Variants in P2RY6 observed in about 807,000 individuals in gnomAD.
The protein encoded by P2RY6 is pyrimidinergic receptor P2Y6.
In P2RY6, 19 loss-of-function variants were observed where a neutral mutation model predicts 16.3. The observed-to-expected ratio is 1.16, with a 90% confidence interval of 0.81 to 1.71. The LOEUF (loss-of-function observed/expected upper bound fraction) is 1.71, where lower values mean the gene tolerates loss of function less well. P2RY6 is among the 40% of genes most tolerant of loss of function. The pLI, the probability that P2RY6 is intolerant of heterozygous loss-of-function variation, is 0.00. For synonymous variants in P2RY6, 184 were observed against 201.5 expected, an observed-to-expected ratio of 0.91 and a Z score of 0.74; for missense variants, 389 against 455.5, an observed-to-expected ratio of 0.85 and a Z score of 1.33.
chr11:73,284,241 T>C (rs1491001539), intron 1 of P2RY6, among the ~76,000 whole-genome samples: 2 of 152,114 alleles, frequency 1.3e-5, no homozygotes, highest in African/African-American at 2.4e-5. Context: ...CCTCCAGCTC[T>C]ACTCAGCCCC....
intron 1 of P2RY6, among the ~76,000 whole-genome samples, chr11:73,283,169 G>C (rs1219113709): frequency 5.3e-5 from 8 of 152,132 alleles, no homozygotes; most frequent in Non-Finnish European, 7.3e-5. Flanking sequence ...TTTCTGGGGA[G>C]CTCTGAGGAG....
In P2RY6 at chr11:73,297,139, C is replaced by A; in HGVS notation, c.621C>A (p.Ala207=). Residue 207 remains alanine (A), a synonymous_variant, in exon 3 of 3, where the codon GCC becomes GCA. Coordinates refer to ENST00000540124, the MANE Select transcript of P2RY6 (RefSeq NM_001277204.2). ...TCGGCTTCCTGCTGCCCTTTGCTGC[C>A]CTGCTGGCCTGCTACTGTCTCCTGG... The part of the protein sequence containing the change: ...TVIGFLLPFA[A]LLACYCLLAC... The A allele has an allele frequency of 6.2e-7, 1 of 1,604,858 alleles. No individual in the cohort carries two copies. Among genetic ancestry groups the A allele is most frequent in the South Asian group, 1.1e-5 (1 of 91,082 alleles).
chr11:73,292,696 C>G (rs1192644157), intron 1 of P2RY6: 1 of 590,188 alleles, frequency 1.7e-6, no homozygotes, highest in Non-Finnish European at 2.1e-6. Flanking sequence ...AGCCCAGTTT[C>G]CGCCAGGCAC....
chr11:73,292,863 T>A (rs1864315812), intron 1 of P2RY6: 3 of 984,324 alleles, frequency 3.0e-6, no homozygotes, highest in Non-Finnish European at 3.6e-6. Context: ...AGGTCTGGCT[T>A]CCCTTTGCCC....
At chr11:73,274,568 GAAAAGA>G (rs778325270) in intron 1 of P2RY6, among the ~76,000 whole-genome samples, 26 of 151,174 alleles carry the variant, frequency 1.7e-4, no homozygotes, top group Admixed American at 6.6e-4. Context: ...AAGAAAGAAA[GAAAAGA>G]AAAAGAAAAA....
At chr11:73,287,757 G>T (rs1447081486) in intron 1 of P2RY6, among the ~76,000 whole-genome samples, 1 of 152,256 alleles carries the variant, frequency 6.6e-6, no homozygotes, top group Non-Finnish European at 1.5e-5. Context: ...GGACAGCCTG[G>T]TTGTCCAGGC....
Position 73,296,518 on chromosome 11 carries a change from C to T in P2RY6, c.-1C>T. The T allele has an allele frequency of 1.2e-6, 2 of 1,611,530 alleles. No individual in the cohort carries two copies. The highest frequency in any genetic ancestry group is 2.7e-5 in the African/African-American group (2 of 75,012). Reference sequence around the variant, plus strand: ...AACATAGGAAACCCACCTGGGCAGCCATGGAATGGGACAATGGCACAGGCC... The same window carrying T: ...AACATAGGAAACCCACCTGGGCAGCTATGGAATGGGACAATGGCACAGGCC... On this transcript the variant is annotated 5_prime_UTR_variant, in exon 3 of 3. Transcript: ENST00000540124.
chr11:73,292,328 G>A (rs374853968), intron 1 of P2RY6, among the ~76,000 whole-genome samples: 8 of 152,224 alleles, frequency 5.3e-5, no homozygotes, highest in Non-Finnish European at 7.3e-5. Context: ...AAGTTTGTAC[G>A]TAAGTGGATT....
chr11:73,270,713 G>A (rs576359926), upstream of P2RY6, among the ~76,000 whole-genome samples: 1 of 152,156 alleles, frequency 6.6e-6, no homozygotes, highest in Non-Finnish European at 1.5e-5. Flanking sequence ...AGCGTTGGTG[G>A]CCCTGAGTTG....
At chr11:73,269,090 C>A (rs777750322), upstream of P2RY6, among the ~76,000 whole-genome samples, 2 of 152,166 alleles carry the variant, frequency 1.3e-5, no homozygotes, top group Non-Finnish European at 2.9e-5. Context: ...GGCAGGGCCT[C>A]GGGGGTAGGA....
intron 1 of P2RY6, among the ~76,000 whole-genome samples, chr11:73,284,021 G>T (rs1863866787): frequency 6.6e-6 from 1 of 152,142 alleles, no homozygotes; most frequent in African/African-American, 2.4e-5. Context: ...ACAGTGGGAA[G>T]CTGAAGGCAG....
intron 1 of P2RY6, among the ~76,000 whole-genome samples, chr11:73,280,476 G>T (rs1863713694): frequency 6.6e-6 from 1 of 152,160 alleles, no homozygotes; most frequent in Non-Finnish European, 1.5e-5. Context: ...TCTGCCTTTT[G>T]CCTCTACATA....
At chr11:73,291,450 C>T (rs1388799809) in intron 1 of P2RY6, among the ~76,000 whole-genome samples, 3 of 152,224 alleles carry the variant, frequency 2.0e-5, no homozygotes, top group African/African-American at 7.2e-5. Context: ...ACCTTGCTCT[C>T]CTGGGCCACA....
chr11:73,279,825 G>A (rs757964490), intron 1 of P2RY6, among the ~76,000 whole-genome samples: 2 of 152,190 alleles, frequency 1.3e-5, no homozygotes, highest in Non-Finnish European at 2.9e-5. Flanking sequence ...TGAATGGGGC[G>A]AGAGTCTCCC....
At chr11:73,278,248 C>T (rs531666105) in intron 1 of P2RY6, among the ~76,000 whole-genome samples, 124 of 152,088 alleles carry the variant, frequency 8.2e-4, no homozygotes, top group African/African-American at 2.9e-3. Flanking sequence ...CTCGGCTCAT[C>T]GCAACCTCTG....
In P2RY6 at chr11:73,297,028, C is replaced by T. The variant is rs995572056; in HGVS notation, c.510C>T (p.Ile170=). 1 of 1,600,776 alleles carries T rather than the reference C, an allele frequency of 6.2e-7. No homozygotes were observed. The highest frequency in any genetic ancestry group is 1.7e-5 in the Admixed American group (1 of 60,032). The part of the protein sequence containing the change: ...LPTAIFAATG[I]QRNRTVCYDL... ...CAGCCATCTTCGCTGCCACAGGCATCCAGCGTAACCGCACTGTCTGCTATG... is the reference window on the plus strand; with the variant it reads ...CAGCCATCTTCGCTGCCACAGGCATTCAGCGTAACCGCACTGTCTGCTATG... The change falls in exon 3 of 3, where the codon ATC becomes ATT. Residue 170 remains isoleucine (I), a synonymous_variant. Coordinates refer to ENST00000540124, the MANE Select transcript of P2RY6 (RefSeq NM_001277204.2).
At chr11:73,295,872 A>C in intron 2 of P2RY6, 57 bp downstream of exon 2, 1 of 700,674 alleles carries the variant, frequency 1.4e-6, no homozygotes, top group Non-Finnish European at 1.8e-6. Context: ...TTTCCGCCCC[A>C]GACCCTGGGC....
At chr11:73,276,365 T>C (rs895277306) in intron 1 of P2RY6, among the ~76,000 whole-genome samples, 4 of 152,212 alleles carry the variant, frequency 2.6e-5, no homozygotes. Flanking sequence ...CCTGGTTCCA[T>C]TCAAAGGTGT....
intron 1 of P2RY6, among the ~76,000 whole-genome samples, chr11:73,277,860 G>A (rs574583072): frequency 9.2e-5 from 14 of 152,290 alleles, no homozygotes; most frequent in East Asian, 5.8e-4. Context: ...AGATATCCTC[G>A]AAAAGATCAT....
Sources: gnomAD v4.1 joint callset for allele counts (sites outside exome capture counted in the v4.1 genomes callset) on GRCh38, gnomAD v4.1.1 for gene constraint, MANE v1.5 for transcripts, NCBI Gene and HGNC (gene_info 2026-07-23, HGNC 2026-07-21) for gene names.